The following PRSS1 variants were observed in gnomAD, a reference collection of about 807,000 sequenced individuals.
PRSS1 encodes serine protease 1, also known as TCR V beta 4.1.
PRSS1 carries 22 observed loss-of-function variants against 24.2 expected under a neutral mutation model. That is an observed-to-expected ratio of 0.91 (90% confidence interval 0.65 to 1.30). PRSS1 has a LOEUF of 1.30. Among genes scored for constraint, PRSS1 ranks in the 50% most tolerant of loss-of-function variants. The pLI is 0.00. For missense variants in PRSS1, 366 were observed against 304.2 expected (o/e 1.20, Z -1.51); for synonymous variants, 126 against 116.1 (o/e 1.08, Z -0.55).
intron 4 of PRSS1, 112 bp downstream of exon 4, chr7:142,752,679 C>A: frequency 1.3e-6 from 2 of 1,561,026 alleles, no homozygotes; most frequent in Non-Finnish European, 8.8e-7. Flanking sequence ...CCTGCAGTGC[C>A]CACATGGAGA....
chr7:142,751,308 C>G, intron 2 of PRSS1: 1 of 599,758 alleles, frequency 1.7e-6, no homozygotes, highest in South Asian at 2.0e-5. Flanking sequence ...ACATTTCTAA[C>G]AAGTTCCCAG....
intron 2 of PRSS1, 65 bp downstream of exon 2, chr7:142,750,779 C>A (rs1254404082): frequency 1.9e-6 from 3 of 1,608,952 alleles, no homozygotes; most frequent in Non-Finnish European, 2.6e-6. Flanking sequence ...TGGCTTCAGC[C>A]CAGGGAACTA....
At chr7:142,751,050 T>A (rs1291008909) in intron 2 of PRSS1, 2 of 703,132 alleles carry the variant, frequency 2.8e-6, no homozygotes, top group Non-Finnish European at 5.2e-6. Flanking sequence ...AAAATACAGA[T>A]GCCTTTGTCC....
chr7:142,751,933 C>A lies in PRSS1; in HGVS notation c.360C>A (p.Asn120Lys), dbSNP rs606231348. Reference sequence around the variant, plus strand: ...AGCTCTCCTCACGTGCAGTAATCAACGCCCGCGTGTCCACCATCTCTCTGC... The same window carrying A: ...AGCTCTCCTCACGTGCAGTAATCAAAGCCCGCGTGTCCACCATCTCTCTGC... ...LIKLSSRAVI[N>K]ARVSTISLPT... The change falls in exon 3 of 5, where the codon AAC becomes AAA. Residue 120 changes from asparagine to lysine, a missense_variant. Transcript: ENST00000311737. 3 of 1,585,572 alleles carry A rather than the reference C, an allele frequency of 1.9e-6. No homozygotes were observed. The highest frequency in any genetic ancestry group is 3.4e-5 in the Admixed American group (2 of 58,390).
chr7:142,750,742 CT>C, intron 2 of PRSS1, 28 bp downstream of exon 2: 1 of 1,613,864 alleles, frequency 6.2e-7, no homozygotes, highest in Non-Finnish European at 8.5e-7. Context: ...GACTGCAAAG[CT>C]CCCGGCCAGT....
intron 2 of PRSS1, chr7:142,751,500 G>C (rs1356539297): frequency 1.6e-6 from 1 of 606,620 alleles, no homozygotes; most frequent in African/African-American, 1.9e-5. Flanking sequence ...GAGATTGTGG[G>C]AAAGAGTCTG....
At chr7:142,751,099 G>T (rs770502723) in intron 2 of PRSS1, 16 of 702,648 alleles carry the variant, frequency 2.3e-5, no homozygotes, top group African/African-American at 1.9e-4. Context: ...CAGGAAGAGG[G>T]TGTGAATATC....
At chr7:142,751,304 C>T (rs1472571675) in intron 2 of PRSS1, 8 of 599,680 alleles carry the variant, frequency 1.3e-5, no homozygotes, top group Non-Finnish European at 2.4e-5. Context: ...ATTCACATTT[C>T]TAACAAGTTC....
chr7:142,751,455 AG>A (rs1313526186), intron 2 of PRSS1: 5 of 579,626 alleles, frequency 8.6e-6, no homozygotes, highest in Non-Finnish European at 1.5e-5. Flanking sequence ...GAAAACTTCA[AG>A]GAGCTCCTTG....
chr7:142,750,830 A>G lies in PRSS1; in HGVS notation c.200+116A>G, dbSNP rs553913322. 27 of 1,453,088 alleles carry G rather than the reference A, an allele frequency of 1.9e-5. No homozygotes were observed. In the East Asian group the frequency reaches 5.5e-4, roughly 30 times the overall value. The allele number at this position is 1,453,088 out of a possible 1,614,324, so 90.0% of individuals were successfully genotyped here. ...ATGGATGGGAGAGGTGGTGGAGAAG[A>G]AAACTTGTTGGCAGCTGCGGACTCT... is the stretch of plus-strand genomic sequence containing the variant. On this transcript the variant is annotated intron_variant, in intron 2 of 4. Coordinates refer to ENST00000311737, the MANE Select transcript of PRSS1 (RefSeq NM_002769.5).
rs753883523 is a variant in PRSS1 at position 142,750,591 on chromosome 7, G to A, written c.77G>A (p.Gly26Glu). ...APFDDDDKIVGGYNCEENSVP... is the reference protein window; with the variant it reads ...APFDDDDKIVEGYNCEENSVP... ...TTTGATGATGATGACAAGATCGTTG[G>A]GGGCTACAACTGTGAGGAGAATTCT... The change falls in exon 2 of 5, where the codon GGG becomes GAG. Residue 26 changes from glycine to glutamate, a missense_variant. Physicochemically the swap from Gly to Glu is moderately conservative, Grantham distance 98. Coordinates refer to ENST00000311737, the MANE Select transcript of PRSS1 (RefSeq NM_002769.5). 3.7e-6 allele frequency: 6 copies of A among 1,613,898 alleles called. No individual in the cohort carries two copies. In the Admixed American group the frequency reaches 1.0e-4, roughly 27 times the overall value.
Position 142,752,008 on chromosome 7 carries a change from C to T in PRSS1, c.435C>T (p.Gly145=). The part of the protein sequence containing the change: ...TGTKCLISGW[G]NTASSGADYP... ...CGAAGTGCCTCATCTCTGGCTGGGG[C>T]AACACTGCGAGCTCTGGCGGTGAGT... The change falls in exon 3 of 5, where the codon GGC becomes GGT. Residue 145 remains glycine (G), a synonymous_variant. Transcript: ENST00000311737. 2 of 1,614,180 alleles carry T rather than the reference C, an allele frequency of 1.2e-6. No individual in the cohort carries two copies. Among genetic ancestry groups the T allele is most frequent in the South Asian group, 1.1e-5 (1 of 91,084 alleles).
intron 3 of PRSS1, 38 bp downstream of exon 3, chr7:142,752,065 C>T (rs1563261684): frequency 6.2e-7 from 1 of 1,613,734 alleles, no homozygotes; most frequent in South Asian, 1.1e-5. Flanking sequence ...TCCCTCCATC[C>T]TCACAATTTC....
rs200699755 is a variant in PRSS1, at chr7:142,751,966, C to T, written c.393C>T (p.Ala131=). 4 of 1,614,140 alleles carry T rather than the reference C, an allele frequency of 2.5e-6. No homozygotes were observed. Among genetic ancestry groups the T allele is most frequent in the East Asian group, 2.2e-5 (1 of 44,876 alleles). Residue 131 remains alanine (A), a synonymous_variant, in exon 3 of 5, where the codon GCC becomes GCT. Coordinates refer to ENST00000311737, the MANE Select transcript of PRSS1 (RefSeq NM_002769.5). ...ARVSTISLPT[A]PPATGTKCLI... Reference sequence around the variant, plus strand: ...TGTCCACCATCTCTCTGCCCACCGCCCCTCCAGCCACTGGCACGAAGTGCC... The same window carrying T: ...TGTCCACCATCTCTCTGCCCACCGCTCCTCCAGCCACTGGCACGAAGTGCC...
intron 1 of PRSS1, 28 bp downstream of exon 1, chr7:142,749,552 C>T: frequency 6.2e-7 from 1 of 1,612,812 alleles, no homozygotes; most frequent in Non-Finnish European, 8.5e-7. Context: ...CCTCAGGCCC[C>T]AACCACCCCC....
intron 2 of PRSS1, chr7:142,751,473 C>T (rs949553578): frequency 5.1e-6 from 3 of 588,564 alleles, no homozygotes; most frequent in Non-Finnish European, 9.0e-6. Flanking sequence ...CTTGTGCCCA[C>T]AGTGCTAGTG....
At position 142,753,009 on chromosome 7, in the gene PRSS1, G is replaced by A; in HGVS notation, c.733G>A (p.Ala245Thr). 1 of 1,613,602 alleles carries A rather than the reference G, an allele frequency of 6.2e-7. No individual in the cohort carries two copies. Reference protein sequence around the residue: ...YVKWIKNTIAANS With the variant: ...YVKWIKNTIATNS Reference sequence around the variant, plus strand: ...GAAATGGATTAAGAACACCATAGCTGCCAATAGCTAAAGCCCCCAGTATCT... The same window carrying A: ...GAAATGGATTAAGAACACCATAGCTACCAATAGCTAAAGCCCCCAGTATCT... Residue 245 changes from alanine (A) to threonine (T), a missense_variant, in exon 5 of 5, where the codon GCC becomes ACC. Coordinates refer to ENST00000311737, the MANE Select transcript of PRSS1 (RefSeq NM_002769.5).
chr7:142,751,810 A>G lies in PRSS1; in HGVS notation c.237A>G (p.Glu79=). 1 of 1,614,142 alleles carries G rather than the reference A, an allele frequency of 6.2e-7. No homozygotes were observed. The highest frequency in any genetic ancestry group is 8.5e-7 in the Non-Finnish European group (1 of 1,180,016). Residue 79 remains glutamate, a synonymous_variant, in exon 3 of 5, where the codon GAA becomes GAG. Transcript: ENST00000311737. ...IQVRLGEHNI[E]VLEGNEQFIN... Reference sequence around the variant, plus strand: ...TGAGACTGGGAGAGCACAACATCGAAGTCCTGGAGGGGAATGAGCAGTTCA... The same window carrying G: ...TGAGACTGGGAGAGCACAACATCGAGGTCCTGGAGGGGAATGAGCAGTTCA...
intron 2 of PRSS1, chr7:142,751,383 A>G: frequency 3.5e-6 from 2 of 576,260 alleles, no homozygotes; most frequent in Non-Finnish European, 6.2e-6. Flanking sequence ...CACCAGGCCA[A>G]GAATGGAGGG....
Sources: allele counts gnomAD v4.1 joint callset, GRCh38; gene constraint gnomAD v4.1.1; transcripts MANE v1.5; gene names NCBI Gene and HGNC (gene_info 2026-07-23, HGNC 2026-07-21).